SYNPO2: variants seen among roughly 807,000 people sequenced by gnomAD.
SYNPO2 encodes synaptopodin 2.
SYNPO2 carries 56 observed loss-of-function variants against 85.0 expected under a neutral mutation model. That is an observed-to-expected ratio of 0.66 (90% CI 0.53 to 0.82). The LOEUF (loss-of-function observed/expected upper bound fraction) is 0.82. SYNPO2 is among the 40% of genes least tolerant of loss of function. SYNPO2 has a pLI of 0.00. For missense variants in SYNPO2, 1,575 were observed against 1,534.2 expected, an observed-to-expected ratio of 1.03 and a Z score of -0.44; for synonymous variants, 602 against 591.1, an observed-to-expected ratio of 1.02 and a Z score of -0.27.
chr4:118,875,311 T>A (rs953032155), intron 1 of SYNPO2, among the ~76,000 whole-genome samples: 2 of 152,220 alleles, frequency 1.3e-5, no homozygotes, highest in Non-Finnish European at 2.9e-5. Flanking sequence ...TTTGACATAC[T>A]TTTTTCTCTA....
chr4:119,015,763 A>G (rs1316086228), intron 1 of SYNPO2, among the ~76,000 whole-genome samples: 1 of 152,214 alleles, frequency 6.6e-6, no homozygotes, highest in Non-Finnish European at 1.5e-5. Context: ...ATTAATGCCC[A>G]TTATTTTACT....
rs1739271515 is a variant in SYNPO2 at position 119,058,009 on chromosome 4, C to T, written c.*75C>T. ...CTCCTTTGTAGGGTTTTAAACTTTTCTAATAGATTTAGATTCACTTTTGGT... is the reference window on the plus strand; with the variant it reads ...CTCCTTTGTAGGGTTTTAAACTTTTTTAATAGATTTAGATTCACTTTTGGT... On this transcript the variant is annotated 3_prime_UTR_variant, in exon 5 of 5. Coordinates refer to ENST00000307142, the MANE Select transcript of SYNPO2 (RefSeq NM_133477.3). The T allele has an allele frequency of 5.4e-6, 8 of 1,470,834 alleles. No individual in the cohort carries two copies. In the Admixed American group the frequency reaches 1.9e-4, roughly 35 times the overall value. 91.1% of individuals were successfully genotyped at this position (1,470,834 alleles called of 1,614,324 possible). A position where few individuals can be genotyped will look rare whatever the true frequency, so the allele number is the denominator to read the frequency against.
At chr4:118,975,478 C>T (rs17050196) in intron 1 of SYNPO2, among the ~76,000 whole-genome samples, 15,914 of 152,134 alleles carry the variant, frequency 0.1, 870 homozygotes, top group East Asian at 0.16. Context: ...TAAGGATACA[C>T]ACAGACAGGA....
intron 1 of SYNPO2, among the ~76,000 whole-genome samples, chr4:118,972,267 C>T (rs1202410645): frequency 6.6e-6 from 1 of 151,872 alleles, no homozygotes; most frequent in Non-Finnish European, 1.5e-5. Flanking sequence ...ATGGGGAGAC[C>T]CTGTCTCTAC....
At chr4:118,881,601 T>C (rs1732102155) in intron 1 of SYNPO2, among the ~76,000 whole-genome samples, 1 of 152,028 alleles carries the variant, frequency 6.6e-6, no homozygotes, top group Non-Finnish European at 1.5e-5. Flanking sequence ...AAAGAAAGAG[T>C]TGCTGGGGAG....
At chr4:119,021,310 T>C (rs1457643748) in intron 1 of SYNPO2, among the ~76,000 whole-genome samples, 2 of 152,256 alleles carry the variant, frequency 1.3e-5, no homozygotes, top group African/African-American at 2.4e-5. Flanking sequence ...AATTATCATT[T>C]AAGACTTTAG....
intron 1 of SYNPO2, among the ~76,000 whole-genome samples, chr4:118,993,918 G>T (rs17328771): frequency 0.017 from 2,570 of 152,254 alleles, 61 homozygotes; most frequent in African/African-American, 0.059. Context: ...TTAATGCTTT[G>T]CCTAGTCTTA....
rs187670553 is a variant in SYNPO2, at chr4:119,060,422, A to G, written c.*2488A>G. On this transcript the variant is annotated 3_prime_UTR_variant, in exon 5 of 5. Transcript: ENST00000307142. The stretch of plus-strand genomic sequence containing the variant: ...ATATGAACCTGAAAATCAAAGTGCC[A>G]TTGTTAAATCATCCTAAAGTGTACT... 311 of 151,878 alleles carry G rather than the reference A, an allele frequency of 2.0e-3. 2 individuals are homozygous for G. Among genetic ancestry groups the G allele is most frequent in the African/African-American group, 7.3e-3 (301 of 41,280 alleles). 9.4% of individuals were successfully genotyped at this position (151,878 alleles called of 1,614,324 possible).
intron 4 of SYNPO2, among the ~76,000 whole-genome samples, chr4:119,041,077 C>G (rs978180994): frequency 1.3e-5 from 2 of 152,170 alleles, no homozygotes; most frequent in African/African-American, 4.8e-5. Context: ...CCTTTCAAAC[C>G]CAGGGAATTT....
chr4:118,954,254 C>G (rs184920966), intron 1 of SYNPO2, among the ~76,000 whole-genome samples: 27 of 152,328 alleles, frequency 1.8e-4, no homozygotes, highest in Admixed American at 1.6e-3. Flanking sequence ...AAAACACTGA[C>G]AATTTGCCTC....
chr4:118,898,547 A>G (rs1732621722), intron 1 of SYNPO2, among the ~76,000 whole-genome samples: 1 of 152,164 alleles, frequency 6.6e-6, no homozygotes, highest in Non-Finnish European at 1.5e-5. Flanking sequence ...GCACTTTAGG[A>G]ATTATTTTGT....
chr4:118,894,032 T>C (rs1732463210), intron 1 of SYNPO2, among the ~76,000 whole-genome samples: 1 of 150,276 alleles, frequency 6.7e-6, no homozygotes, highest in African/African-American at 2.4e-5. Context: ...AGAAGATATA[T>C]ATATATATGA....
intron 1 of SYNPO2, among the ~76,000 whole-genome samples, chr4:118,855,915 C>T (rs76533601): frequency 0.068 from 10,321 of 152,110 alleles, 487 homozygotes; most frequent in East Asian, 0.17. Context: ...TTCTTTTTCC[C>T]TTTTTCTTTT....
At chr4:118,942,672 G>A (rs541943914) in intron 1 of SYNPO2, among the ~76,000 whole-genome samples, 1 of 152,238 alleles carries the variant, frequency 6.6e-6, no homozygotes, top group South Asian at 2.1e-4. Context: ...TGGGGATAAT[G>A]TTGCCACAGG....
intron 1 of SYNPO2, among the ~76,000 whole-genome samples, chr4:118,942,795 C>CA (rs1230141392): frequency 6.6e-6 from 1 of 152,078 alleles, no homozygotes; most frequent in Non-Finnish European, 1.5e-5. Flanking sequence ...CCCCTAACAA[C>CA]AAAAAATTAT....
In SYNPO2 at chr4:118,940,661, G is replaced by T. The variant is rs144203185; in HGVS notation, c.105+51520G>T. On this transcript the variant is annotated intron_variant, in intron 1 of 4. Transcript: ENST00000307142. ...CGGTCGGACCCCCACCCCTACCTGG[G>T]AGTAGTCAGGGAAAGCACCCAAAAG... Among the ~76,000 whole-genome samples, 10 of 152,284 alleles carry T rather than the reference G, an allele frequency of 6.6e-5. No homozygotes were observed. The East Asian group carries it at 1.7e-3, about 26-fold the overall frequency.
intron 2 of SYNPO2, among the ~76,000 whole-genome samples, chr4:119,025,522 G>A (rs186574717): frequency 6.6e-6 from 1 of 152,230 alleles, no homozygotes; most frequent in African/African-American, 2.4e-5. Flanking sequence ...TGAAAGCAAA[G>A]GTAGGAGTAA....
intron 1 of SYNPO2, among the ~76,000 whole-genome samples, chr4:118,892,025 CTAA>C (rs1380715926): frequency 1.3e-5 from 2 of 151,994 alleles, no homozygotes; most frequent in Non-Finnish European, 2.9e-5. Context: ...AAAAAACAGT[CTAA>C]TGTTATTAAG....
At chr4:118,889,856 C>T (rs1732304708) in intron 1 of SYNPO2, among the ~76,000 whole-genome samples, 1 of 152,132 alleles carries the variant, frequency 6.6e-6, no homozygotes. Flanking sequence ...TTTTTATTGC[C>T]ATTAGATTGC....
Sources: gnomAD v4.1 joint callset for allele counts (sites outside exome capture counted in the v4.1 genomes callset) on GRCh38, gnomAD v4.1.1 for gene constraint, MANE v1.5 for transcripts, NCBI Gene and HGNC (gene_info 2026-07-23, HGNC 2026-07-21) for gene names.